Variants in TENM2 observed in about 807,000 individuals in gnomAD.
TENM2 encodes the protein teneurin transmembrane protein 2, also known as teneurin-2.
In TENM2, 52 loss-of-function variants were observed where a neutral mutation model predicts 245.2. The observed-to-expected ratio is 0.21, with a 90% confidence interval of 0.17 to 0.27. The LOEUF is 0.27. TENM2 is among the 10% of genes least tolerant of loss of function. The pLI, the probability that TENM2 is intolerant of heterozygous loss-of-function variation, is 1.00. For synonymous variants in TENM2, 1,363 were observed against 1,438.9 expected (o/e 0.95, Z 1.19); for missense variants, 3,046 against 3,666.8 (o/e 0.83, Z 4.37).
chr5:167,136,618 T>C, the TENM2 span, among the ~76,000 whole-genome samples: 4 of 152,178 alleles, frequency 2.6e-5, no homozygotes, highest in Admixed American at 1.3e-4. Flanking sequence ...ATTTCTATAT[T>C]GCTTTTCTCA....
chr5:168,047,646 A>G (rs1562094370), intron 6 of TENM2, 97 bp downstream of exon 8: 1 of 1,412,846 alleles, frequency 7.1e-7, no homozygotes, highest in Non-Finnish European at 9.5e-7. Flanking sequence ...CTTGGAAGGT[A>G]TGCCAAAAGA....
intron 2 of TENM2, among the ~76,000 whole-genome samples, chr5:167,729,804 T>C (rs1660488237): frequency 6.6e-6 from 1 of 152,202 alleles, no homozygotes; most frequent in African/African-American, 2.4e-5. Flanking sequence ...ATCAGGATAG[T>C]TCTCCTCTGT....
At chr5:168,151,174 C>T (rs1002815366) in intron 12 of TENM2, among the ~76,000 whole-genome samples, 2 of 152,222 alleles carry the variant, frequency 1.3e-5, no homozygotes, top group African/African-American at 4.8e-5. Context: ...TGTCACCTCA[C>T]ACAACTCTTG....
In TENM2 at chr5:168,225,683, C is replaced by A. The variant is rs557453912; in HGVS notation, c.5109-405C>A. ...GGCTGAGGCAGGAGAATTGCTTGAA[C>A]CCAGGAGGTGGAGGTTGCAGTGAGC... On this transcript the variant is annotated intron_variant, in intron 23 of 28. Coordinates refer to ENST00000518659, the Ensembl canonical transcript of TENM2. 6.6e-5 allele frequency among the ~76,000 whole-genome samples: 10 copies of A among 151,592 alleles called. No individual in the cohort carries two copies. In the South Asian group the frequency reaches 1.5e-3, roughly 22 times the overall value.
intron 2 of TENM2, among the ~76,000 whole-genome samples, chr5:167,423,919 C>T (rs1369977669): frequency 1.3e-5 from 2 of 152,188 alleles, no homozygotes; most frequent in Non-Finnish European, 2.9e-5. Context: ...TCCTCAACCC[C>T]TTAAATGTCC....
chr5:168,064,953 A>G (rs1790367943), intron 7 of TENM2, among the ~76,000 whole-genome samples: 1 of 152,194 alleles, frequency 6.6e-6, no homozygotes, highest in South Asian at 2.1e-4. Context: ...GATGAACTAC[A>G]TTTCCTCAAG....
intron 15 of TENM2, among the ~76,000 whole-genome samples, chr5:168,198,498 A>G (rs1217886414): frequency 1.3e-5 from 2 of 152,170 alleles, no homozygotes. Context: ...GCCCTGCCCA[A>G]TAAAATTTAT....
intron 1 of TENM2, among the ~76,000 whole-genome samples, chr5:167,340,628 C>T (rs1291988446): frequency 6.6e-6 from 1 of 152,192 alleles, no homozygotes; most frequent in Non-Finnish European, 1.5e-5. Context: ...AATATACTAG[C>T]ACTGGACTTT....
chr5:168,127,075 C>A (rs1179076690), intron 12 of TENM2, 109 bp downstream of exon 14: 3 of 928,742 alleles, frequency 3.2e-6, no homozygotes, highest in Non-Finnish European at 3.3e-6. Flanking sequence ...CCTGCTGCCC[C>A]TCCAAATCTC....
the TENM2 span, among the ~76,000 whole-genome samples, chr5:167,090,061 A>C: frequency 2.0e-5 from 3 of 152,018 alleles, no homozygotes; most frequent in Non-Finnish European, 4.4e-5. Flanking sequence ...GTTTCAGATA[A>C]ACAGCCTCAA....
intron 2 of TENM2, among the ~76,000 whole-genome samples, chr5:167,870,554 C>CATATATATATATATATATATATAT (rs60172043): frequency 4.1e-4 from 52 of 128,366 alleles, no homozygotes; most frequent in African/African-American, 1.5e-3. Flanking sequence ...AATGTGTATA[C>CATATATATATATATATATATATAT]ATATATATAT....
At chr5:167,783,870 G>A (rs751356335) in intron 2 of TENM2, among the ~76,000 whole-genome samples, 5 of 151,970 alleles carry the variant, frequency 3.3e-5, no homozygotes, top group African/African-American at 4.8e-5. Context: ...GAAGTCCCCC[G>A]GGGGGACTTG....
intron 2 of TENM2, among the ~76,000 whole-genome samples, chr5:167,719,941 AACTGCACTCC>A (rs1490226732): frequency 1.3e-5 from 2 of 152,138 alleles, no homozygotes. Flanking sequence ...GCATATTCCA[AACTGCACTCC>A]ACTGCATGCA....
intron 2 of TENM2, among the ~76,000 whole-genome samples, chr5:167,525,693 T>A (rs2127587362): frequency 6.6e-6 from 1 of 152,278 alleles, no homozygotes; most frequent in South Asian, 2.1e-4. Context: ...TCACCAGGTA[T>A]CCATTTTTAA....
At chr5:167,859,389 A>G (rs1771459894) in intron 2 of TENM2, among the ~76,000 whole-genome samples, 4 of 144,620 alleles carry the variant, frequency 2.8e-5, no homozygotes, top group East Asian at 2.2e-4. Flanking sequence ...GGGGGGGGTC[A>G]GCCCCCCGCC....
intron 4 of TENM2, among the ~76,000 whole-genome samples, chr5:167,984,214 A>G (rs1783059589): frequency 6.6e-6 from 1 of 152,208 alleles, no homozygotes; most frequent in African/African-American, 2.4e-5. Context: ...GTACCATCCT[A>G]TTGGATTTCT....
chr5:167,904,208 A>C (rs557736920), intron 3 of TENM2, among the ~76,000 whole-genome samples: 49 of 152,328 alleles, frequency 3.2e-4, no homozygotes, highest in Non-Finnish European at 6.2e-4. Flanking sequence ...TGGAGAGTCA[A>C]TACCATCAAG....
chr5:168,230,059 T>C (rs1315239682), intron 25 of TENM2, among the ~76,000 whole-genome samples: 1 of 152,232 alleles, frequency 6.6e-6, no homozygotes, highest in Non-Finnish European at 1.5e-5. Context: ...AAAGTGGCTA[T>C]AATCCCAACT....
chr5:167,877,556 G>A (rs1255470424), intron 3 of TENM2, among the ~76,000 whole-genome samples: 1 of 152,134 alleles, frequency 6.6e-6, no homozygotes, highest in Non-Finnish European at 1.5e-5. Flanking sequence ...TACATCATTG[G>A]GGTGATTGGT....
Sources: gnomAD v4.1 joint callset for allele counts (sites outside exome capture counted in the v4.1 genomes callset) on GRCh38, gnomAD v4.1.1 for gene constraint, MANE v1.5 for transcripts, NCBI Gene and HGNC (gene_info 2026-07-23, HGNC 2026-07-21) for gene names.